Variants in SLCO3A1 observed in about 807,000 individuals in gnomAD.
SLCO3A1 encodes solute carrier organic anion transporter family member 3A1.
SLCO3A1 carries 27 observed loss-of-function variants against 63.1 expected under a neutral mutation model. That is an observed-to-expected ratio of 0.43 (90% CI 0.32 to 0.59). The LOEUF (loss-of-function observed/expected upper bound fraction) is 0.59, where lower values mean the gene tolerates loss of function less well. SLCO3A1 is among the 20% of genes least tolerant of loss of function. The pLI is 0.09. For synonymous variants in SLCO3A1, 473 were observed against 409.9 expected (o/e 1.15, Z -1.86); for missense variants, 773 against 945.8 (o/e 0.82, Z 2.40).
chr15:92,086,152 A>T (rs1200105747), intron 2 of SLCO3A1, among the ~76,000 whole-genome samples: 1 of 152,176 alleles, frequency 6.6e-6, no homozygotes, highest in African/African-American at 2.4e-5. Flanking sequence ...GGTGTTTACC[A>T]AGGACTCAGA....
At chr15:92,172,317 T>C (rs1391398014) in exon 11 of SLCO3A1, 1 of 157,002 alleles carries the variant, frequency 6.4e-6, no homozygotes, top group Non-Finnish European at 1.4e-5. Context: ...GATTTTTGAG[T>C]GTGGTACTCT....
intron 2 of SLCO3A1, among the ~76,000 whole-genome samples, chr15:92,023,215 C>G (rs764311507): frequency 1.1e-4 from 17 of 152,262 alleles, no homozygotes; most frequent in Non-Finnish European, 2.4e-4. Flanking sequence ...TTACATGCAG[C>G]CTTACAAGGA....
chr15:92,000,105 T>C (rs1298107945), intron 2 of SLCO3A1, among the ~76,000 whole-genome samples: 3 of 152,256 alleles, frequency 2.0e-5, no homozygotes, highest in African/African-American at 4.8e-5. Context: ...ATGTTCCTTT[T>C]GTGTAACATT....
chr15:91,896,236 C>T (rs751173396), intron 1 of SLCO3A1, among the ~76,000 whole-genome samples: 12 of 152,202 alleles, frequency 7.9e-5, no homozygotes, highest in Non-Finnish European at 1.6e-4. Flanking sequence ...ATATGCACCT[C>T]TCTATCCTCT....
intron 2 of SLCO3A1, among the ~76,000 whole-genome samples, chr15:92,034,727 C>T (rs2151482583): frequency 6.6e-6 from 1 of 151,990 alleles, no homozygotes; most frequent in East Asian, 1.9e-4. Context: ...GATTCACCCA[C>T]TTTCACGCCT....
At chr15:91,880,721 T>C (rs951954184) in intron 1 of SLCO3A1, among the ~76,000 whole-genome samples, 1 of 152,148 alleles carries the variant, frequency 6.6e-6, no homozygotes, top group Admixed American at 6.5e-5. Context: ...CAGAGTGATA[T>C]TGCCTAGTGT....
chr15:91,885,778 C>G lies in SLCO3A1; in HGVS notation c.181-30215C>G, dbSNP rs1033280335. Among the ~76,000 whole-genome samples the G allele has an allele frequency of 3.3e-5, 5 of 152,234 alleles. No homozygotes were observed. Among genetic ancestry groups the G allele is most frequent in the African/African-American group, 4.8e-5 (2 of 41,510 alleles). ...CCTATTTTTATGGCTGCTAACAAAT[C>G]GGCTGGACCTTTCTCTAAAGGCCTC... On this transcript the variant is annotated intron_variant, in intron 1 of 9. Transcript: ENST00000318445. The surrounding 1 kb of genome is among the most constrained non-coding windows in gnomAD (Gnocchi z 4.7).
In SLCO3A1 at chr15:92,165,298, G is replaced by A. The variant is rs1060205; in HGVS notation, c.*2163G>A. ...CTCATCAGTACGTTAACTACTAAAG[G>A]GGAGATGGTTCTCCAACCACTTCAT... On this transcript the variant is annotated 3_prime_UTR_variant, in exon 10 of 10. Coordinates refer to ENST00000318445, the MANE Select transcript of SLCO3A1 (RefSeq NM_013272.4). 0.094 allele frequency: 92,613 copies of A among 984,786 alleles called. 4,771 individuals carry two copies. The highest frequency in any genetic ancestry group is 0.26 in the East Asian group (2,307 of 8,808). 61.0% of individuals were successfully genotyped at this position (984,786 alleles called of 1,614,324 possible).
In SLCO3A1 at chr15:91,865,645, C is replaced by G. The variant is rs551494849; in HGVS notation, c.180+11557C>G. Among the ~76,000 whole-genome samples the G allele has an allele frequency of 1.4e-4, 21 of 152,322 alleles. No homozygotes were observed. Among genetic ancestry groups the G allele is most frequent in the African/African-American group, 5.1e-4 (21 of 41,570 alleles). ...GATTCCTTGGCTCGCAGCTGCATCA[C>G]TCCCATCTCTGCCTTTGCTGTCACA... On this transcript the variant is annotated intron_variant, in intron 1 of 9. Coordinates refer to ENST00000318445, the MANE Select transcript of SLCO3A1 (RefSeq NM_013272.4). This position sits in a 1 kb window ranked among gnomAD's most constrained non-coding sequence, Gnocchi z 4.6.
At chr15:92,127,375 C>G (rs56210825) in intron 6 of SLCO3A1, among the ~76,000 whole-genome samples, 117,230 of 151,482 alleles carry the variant, frequency 0.77, 46,290 homozygotes, top group Middle Eastern at 0.89. Context: ...TCCTACATCA[C>G]ACAGCCCTAG....
At chr15:91,914,416 G>A (rs1898583871) in intron 1 of SLCO3A1, among the ~76,000 whole-genome samples, 10 of 152,120 alleles carry the variant, frequency 6.6e-5, no homozygotes, top group Admixed American at 6.5e-4. Flanking sequence ...ACAGAGCTAA[G>A]GAAATAATAA....
chr15:91,997,718 T>C (rs1472183010), intron 2 of SLCO3A1, among the ~76,000 whole-genome samples: 1 of 152,056 alleles, frequency 6.6e-6, no homozygotes, highest in Non-Finnish European at 1.5e-5. Context: ...CACCTACAGC[T>C]CTCTGATCTT....
In SLCO3A1 at chr15:92,132,632, A is replaced by AT. The variant is rs397829800; in HGVS notation, c.1512+4143_1512+4144insT. On this transcript the variant is annotated intron_variant, in intron 7 of 9. Coordinates refer to ENST00000318445, the MANE Select transcript of SLCO3A1 (RefSeq NM_013272.4). ...AATAATTGAATAGAAAAAAAAAAAA[A>AT]CTTCCATCAGCCACCAATAGAATGT... Among the ~76,000 whole-genome samples the AT allele has an allele frequency of 2.1e-5, 3 of 142,986 alleles. 1 individual carries two copies. Among genetic ancestry groups the AT allele is most frequent in the South Asian group, 2.2e-4 (1 of 4,480 alleles). 93.8% of individuals were successfully genotyped at this position (142,986 alleles called of 152,430 possible).
chr15:92,024,614 A>C (rs533527417), intron 2 of SLCO3A1, among the ~76,000 whole-genome samples: 60 of 152,344 alleles, frequency 3.9e-4, no homozygotes, highest in African/African-American at 1.3e-3. Context: ...TCATGGGGAT[A>C]CAGCTTTCAA....
intron 2 of SLCO3A1, among the ~76,000 whole-genome samples, chr15:92,005,890 A>G (rs1031738449): frequency 4.6e-5 from 7 of 152,152 alleles, no homozygotes; most frequent in African/African-American, 1.4e-4. Flanking sequence ...CCTGCCACAC[A>G]CTGACTTTGG....
intron 2 of SLCO3A1, among the ~76,000 whole-genome samples, chr15:91,925,433 T>C (rs2151385921): frequency 6.6e-6 from 1 of 151,976 alleles, no homozygotes; most frequent in Non-Finnish European, 1.5e-5. Flanking sequence ...CACAGAAGAG[T>C]CTCTTGTGAA....
rs1896835381 is a variant in SLCO3A1, at chr15:91,853,749, C to T, written c.-160C>T. On this transcript the variant is annotated 5_prime_UTR_variant, in exon 1 of 10. Coordinates refer to ENST00000318445, the MANE Select transcript of SLCO3A1 (RefSeq NM_013272.4). ...CGGCGGCGGCGAGGAGCTGTGCCTT[C>T]CACCTCTCCAGCCCCGGCAGGACGG... 1.5e-6 allele frequency: 1 copy of T among 676,334 alleles called. No individual in the cohort carries two copies. Among genetic ancestry groups the T allele is most frequent in the Non-Finnish European group, 1.9e-6 (1 of 535,630 alleles). The allele number at this position is 676,334 out of a possible 1,614,324, so 41.9% of individuals were successfully genotyped here. A position where few individuals can be genotyped will look rare whatever the true frequency, so the allele number is the denominator to read the frequency against.
At chr15:92,025,992 C>A (rs990591616) in intron 2 of SLCO3A1, among the ~76,000 whole-genome samples, 7 of 152,184 alleles carry the variant, frequency 4.6e-5, no homozygotes, top group African/African-American at 1.4e-4. Flanking sequence ...GTTTACATAT[C>A]TCAGTCCTTT....
intron 2 of SLCO3A1, among the ~76,000 whole-genome samples, chr15:91,917,792 G>A (rs756100141): frequency 2.6e-5 from 4 of 152,122 alleles, no homozygotes; most frequent in East Asian, 1.9e-4. Context: ...GCCGCTCCAC[G>A]TGAGTTTTTT....
Sources: allele counts gnomAD v4.1 joint callset (sites outside exome capture counted in the v4.1 genomes callset), GRCh38; gene constraint gnomAD v4.1.1; non-coding constraint Gnocchi (gnomAD v3.1); transcripts MANE v1.5; gene names NCBI Gene and HGNC (gene_info 2026-07-23, HGNC 2026-07-21).